The following PM20D1 variants were observed in gnomAD, a reference collection of about 807,000 sequenced individuals.
PM20D1 encodes the protein N-fatty-acyl-amino acid synthase/hydrolase PM20D1.
In PM20D1, 53 loss-of-function variants were observed where a neutral mutation model predicts 53.8. That is an observed-to-expected ratio of 0.98 (90% CI 0.79 to 1.24). The LOEUF (loss-of-function observed/expected upper bound fraction) is 1.24, where lower values mean the gene tolerates loss of function less well. Among genes scored for constraint, PM20D1 ranks in the 50% most tolerant of loss-of-function variants. PM20D1 has a pLI of 0.00. For synonymous variants in PM20D1, 239 were observed against 241.3 expected (o/e 0.99, Z 0.09); for missense variants, 564 against 616.8 (o/e 0.91, Z 0.91).
rs563252257 is a variant in PM20D1 at position 205,849,904 on chromosome 1, C to T, written c.169G>A (p.Gly57Ser). The change falls in exon 1 of 13, where the codon GGT (glycine) becomes AGT (serine). Residue 57 changes from glycine (G) to serine (S), a missense_variant and splice_region_variant. Gly to Ser is a moderately conservative substitution (Grantham distance 56). Coordinates refer to ENST00000367136, the MANE Select transcript of PM20D1 (RefSeq NM_152491.5). ...ERVAMKEALK[G>S]AIQIPTVTFS... is the part of the protein sequence containing the mutation. The stretch of plus-strand genomic sequence containing the variant: ...GTGGGTGAAGGGGACCCGGGTTCAC[C>T]TTTCAGCGCCTCTTTCATCGCGACG... The T allele has an allele frequency of 1.3e-4, 210 of 1,610,906 alleles. 1 individual carries two copies. In the South Asian group the frequency reaches 2.1e-3, roughly 16 times the overall value.
chr1:205,833,548 C>T (rs570748529), intron 10 of PM20D1, among the ~76,000 whole-genome samples: 17 of 152,316 alleles, frequency 1.1e-4, no homozygotes, highest in South Asian at 1.0e-3. Flanking sequence ...CTCTTTGCTT[C>T]GTTTCCTTGG....
intron 6 of PM20D1, 35 bp from the exon 7 acceptor site, chr1:205,842,786 AC>A (rs1656845515): frequency 6.3e-7 from 1 of 1,599,978 alleles, no homozygotes; most frequent in South Asian, 1.1e-5. Context: ...GACTTAGCGA[AC>A]CCCAGCCAAA....
At position 205,832,651 on chromosome 1, in the gene PM20D1, A is replaced by C; in HGVS notation, c.1232T>G (p.Leu411Arg). Residue 411 changes from leucine (L) to arginine (R), a missense_variant, in exon 11 of 13, where the codon CTG becomes CGG. Coordinates refer to ENST00000367136, the MANE Select transcript of PM20D1 (RefSeq NM_152491.5). The stretch of plus-strand genomic sequence containing the variant: ...GACGGACTGTACGGTCTGGCGGAGC[A>C]GCTGGTAGCCCAAGGCCTTGTCATC... ...PSDDKALGYQ[L>R]LRQTVQSVFP... 1 of 1,614,220 alleles carries C rather than the reference A, an allele frequency of 6.2e-7. No homozygotes were observed. Among genetic ancestry groups the C allele is most frequent in the South Asian group, 1.1e-5 (1 of 91,084 alleles).
At chr1:205,842,329 T>C in intron 7 of PM20D1, 114 bp from the exon 8 acceptor site, 1 of 928,846 alleles carries the variant, frequency 1.1e-6, no homozygotes, top group Non-Finnish European at 1.7e-6. Context: ...CAGTCAGGAG[T>C]GCTGCTAAAT....
At position 205,846,712 on chromosome 1, in the gene PM20D1, A is replaced by T. The variant is rs559927429; in HGVS notation, c.257-1155T>A. Among the ~76,000 whole-genome samples, 5 of 152,310 alleles carry T rather than the reference A, an allele frequency of 3.3e-5. No individual in the cohort carries two copies. The Middle Eastern group carries it at 0.014, about 414-fold the overall frequency. ...GTCGTACTTCTGCGTGCAGGTGTAG[A>T]TGTTCCTAGGGTCAATTATTCAAGC... On this transcript the variant is annotated intron_variant, in intron 2 of 12. Transcript: ENST00000367136.
At chr1:205,840,422 G>T in intron 9 of PM20D1, 99 bp from the exon 10 acceptor site, 2 of 1,120,530 alleles carry the variant, frequency 1.8e-6, no homozygotes, top group Non-Finnish European at 1.3e-6. Flanking sequence ...GGCAGAGTTG[G>T]CTGATTTGAC....
At chr1:205,849,017 A>G (rs1657067966) in intron 1 of PM20D1, among the ~76,000 whole-genome samples, 1 of 152,172 alleles carries the variant, frequency 6.6e-6, no homozygotes, top group African/African-American at 2.4e-5. Context: ...AGAATTATTT[A>G]TGCTTTGGGA....
rs146725871 is a variant in PM20D1 at position 205,829,371 on chromosome 1, C to G, written c.1386-628G>C. Among the ~76,000 whole-genome samples the G allele has an allele frequency of 3.6e-3, 541 of 152,180 alleles. 2 individuals are homozygous for G. Among genetic ancestry groups the G allele is most frequent in the African/African-American group, 0.012 (516 of 41,528 alleles). ...TTGTCTTTCTCTTAGGACAGAATGC[C>G]TAGCTAGACTATCTCTAAGCCAGTC... On this transcript the variant is annotated intron_variant, in intron 12 of 12. Coordinates refer to ENST00000367136, the MANE Select transcript of PM20D1 (RefSeq NM_152491.5).
In PM20D1 at chr1:205,849,995, C is replaced by T; in HGVS notation, c.78G>A (p.Met26Ile). 6.2e-7 allele frequency: 1 copy of T among 1,614,186 alleles called. No homozygotes were observed. Among genetic ancestry groups the T allele is most frequent in the Non-Finnish European group, 8.5e-7 (1 of 1,180,026 alleles). The change falls in exon 1 of 13, where the codon ATG (methionine) becomes ATA (isoleucine). Residue 26 changes from methionine (M) to isoleucine (I), a missense_variant. Met to Ile is a conservative substitution (Grantham distance 10). Coordinates refer to ENST00000367136, the MANE Select transcript of PM20D1 (RefSeq NM_152491.5). ...TTTGATGCTCCCCGCTCCTCGGGCC[C>T]ATCGATCTGGAGACGGTAGGGAAAA... The part of the protein sequence containing the change: ...LLVFPTVSRS[M>I]GPRSGEHQRA...
chr1:205,834,067 C>T (rs1656629395), intron 10 of PM20D1, among the ~76,000 whole-genome samples: 1 of 150,506 alleles, frequency 6.6e-6, no homozygotes, highest in African/African-American at 2.4e-5. Context: ...AGGCTGGTCT[C>T]AAACTCCTGA....
rs4951025 is a variant in PM20D1 at position 205,842,700 on chromosome 1, A to T, written c.879T>A (p.Thr293=). The T allele has an allele frequency of 0.16, 256,353 of 1,613,782 alleles. 24,396 individuals carry two copies. The highest frequency in any genetic ancestry group is 0.36 in the African/African-American group (27,112 of 74,968). ...CCTCATTTGCCAGTTGCTGCAATAC[A>T]GTCACCACTGTCCCGCTTCCAAATA... ...PIIFGSGTVV[T]VLQQLANEFP... The change falls in exon 7 of 13, where the codon ACT becomes ACA. Residue 293 remains threonine, a synonymous_variant. Coordinates refer to ENST00000367136, the MANE Select transcript of PM20D1 (RefSeq NM_152491.5).
At position 205,838,127 on chromosome 1, in the gene PM20D1, G is replaced by C. The variant is rs537116289; in HGVS notation, c.1116+2125C>G. ...GTCCTCTCTGGGGAAGAACTTAGGA[G>C]AAAGGACCATAGAAGTCCAAGTGCC... is the stretch of plus-strand genomic sequence containing the variant. On this transcript the variant is annotated intron_variant, in intron 10 of 12. Coordinates refer to ENST00000367136, the MANE Select transcript of PM20D1 (RefSeq NM_152491.5). Among the ~76,000 whole-genome samples, 103 of 152,290 alleles carry C rather than the reference G, an allele frequency of 6.8e-4. 1 individual carries two copies. Among genetic ancestry groups the C allele is most frequent in the African/African-American group, 2.4e-3 (99 of 41,550 alleles).
chr1:205,831,565 C>T (rs1408424599), intron 11 of PM20D1, among the ~76,000 whole-genome samples: 2 of 117,374 alleles, frequency 1.7e-5, no homozygotes, highest in Non-Finnish European at 3.6e-5. Context: ...ACGTCTCTCT[C>T]CTTTTTTTTT....
chr1:205,832,666 G>A lies in PM20D1; in HGVS notation c.1217C>T (p.Ala406Val). ...CTGGCGGAGCAGCTGGTAGCCCAAG[G>A]CCTTGTCATCAGAAGGGCTGACGGG... ...PLPVSPSDDK[A>V]LGYQLLRQTV... The change falls in exon 11 of 13, where the codon GCC becomes GTC. Residue 406 changes from alanine (A) to valine (V), a missense_variant. Coordinates refer to ENST00000367136, the MANE Select transcript of PM20D1 (RefSeq NM_152491.5). The A allele has an allele frequency of 6.2e-7, 1 of 1,614,134 alleles. No individual in the cohort carries two copies. Among genetic ancestry groups the A allele is most frequent in the Non-Finnish European group, 8.5e-7 (1 of 1,180,014 alleles).
intron 10 of PM20D1, among the ~76,000 whole-genome samples, chr1:205,838,713 A>G (rs1656739276): frequency 6.6e-6 from 1 of 152,178 alleles, no homozygotes; most frequent in Non-Finnish European, 1.5e-5. Flanking sequence ...ATATGTTATA[A>G]GCTTCTCAAA....
rs532908289 is a variant in PM20D1, at chr1:205,832,892, T to A, written c.1117-126A>T. The A allele has an allele frequency of 8.8e-6, 10 of 1,134,308 alleles. No homozygotes were observed. In the South Asian group the frequency reaches 1.9e-4, roughly 22 times the overall value. The allele number at this position is 1,134,308 out of a possible 1,614,324, so 70.3% of individuals were successfully genotyped here. A position where few individuals can be genotyped will look rare whatever the true frequency, so the allele number is the denominator to read the frequency against. The stretch of plus-strand genomic sequence containing the variant: ...CAGGGTTTACAGACAGGACTTATTT[T>A]TTTTAAGCACTGGGACTTCAATTTC... On this transcript the variant is annotated intron_variant, in intron 10 of 12. Coordinates refer to ENST00000367136, the MANE Select transcript of PM20D1 (RefSeq NM_152491.5).
intron 6 of PM20D1, 53 bp downstream of exon 6, chr1:205,843,614 G>A (rs536910389): frequency 1.3e-6 from 2 of 1,577,958 alleles, no homozygotes; most frequent in East Asian, 2.2e-5. Context: ...GTGGGAAAGT[G>A]CCAGGGCTTC....
At chr1:205,846,184 G>A (rs922164326) in intron 2 of PM20D1, among the ~76,000 whole-genome samples, 6 of 151,696 alleles carry the variant, frequency 4.0e-5, no homozygotes, top group African/African-American at 9.7e-5. Context: ...TCAGGTGTTC[G>A]AAACCAGCCT....
chr1:205,839,188 A>G (rs1656749623), intron 10 of PM20D1, among the ~76,000 whole-genome samples: 1 of 152,034 alleles, frequency 6.6e-6, no homozygotes, highest in South Asian at 2.1e-4. Context: ...ATCTCCTATT[A>G]CTTGTCCCCA....
Sources: gnomAD v4.1 joint callset for allele counts (sites outside exome capture counted in the v4.1 genomes callset) on GRCh38, gnomAD v4.1.1 for gene constraint, MANE v1.5 for transcripts, NCBI Gene and HGNC (gene_info 2026-07-23, HGNC 2026-07-21) for gene names.